VSTM2L: variants seen among roughly 807,000 people sequenced by gnomAD.
VSTM2L encodes the protein V-set and transmembrane domain containing 2 like.
Under a neutral mutation model 19.9 loss-of-function variants are expected in VSTM2L, and 9 were observed. That is an observed-to-expected ratio of 0.45 (90% CI 0.27 to 0.79). VSTM2L has a LOEUF of 0.79. VSTM2L is among the 30% of genes least tolerant of loss of function. The pLI is 0.15. For missense variants in VSTM2L, 286 were observed against 295.5 expected (o/e 0.97, Z 0.24); for synonymous variants, 127 against 133.8 (o/e 0.95, Z 0.35).
At chr20:37,920,596 T>G (rs937806845) in intron 1 of VSTM2L, among the ~76,000 whole-genome samples, 3 of 152,238 alleles carry the variant, frequency 2.0e-5, no homozygotes, top group Admixed American at 6.5e-5. Flanking sequence ...CAGGCTGGCC[T>G]TGGGCAGCCA....
intron 2 of VSTM2L, among the ~76,000 whole-genome samples, chr20:37,933,115 T>C (rs1246906463): frequency 6.6e-6 from 1 of 152,154 alleles, no homozygotes; most frequent in Non-Finnish European, 1.5e-5. Flanking sequence ...GTGGGCAGGG[T>C]TCCCACAGCG....
intron 3 of VSTM2L, among the ~76,000 whole-genome samples, chr20:37,937,498 T>C (rs188952808): frequency 1.1e-3 from 174 of 152,314 alleles, no homozygotes; most frequent in African/African-American, 4.1e-3. Flanking sequence ...CTAAAGTCAT[T>C]TGTGCTAAAA....
chr20:37,921,423 G>A (rs1409808770), intron 1 of VSTM2L, among the ~76,000 whole-genome samples: 1 of 152,178 alleles, frequency 6.6e-6, no homozygotes, highest in Non-Finnish European at 1.5e-5. Context: ...AAGGCCCCAG[G>A]CAGCCCGGAG....
intron 3 of VSTM2L, among the ~76,000 whole-genome samples, chr20:37,933,979 C>A (rs1237061795): frequency 1.3e-5 from 2 of 152,238 alleles, no homozygotes; most frequent in Admixed American, 6.5e-5. Flanking sequence ...GGTGATCTGG[C>A]CCCGGGGACG....
chr20:37,942,259 A>C (rs1472343950), intron 3 of VSTM2L, among the ~76,000 whole-genome samples: 3 of 152,220 alleles, frequency 2.0e-5, no homozygotes, highest in African/African-American at 7.2e-5. Flanking sequence ...AGGTGGGTTG[A>C]TCACTTGAGG....
At position 37,905,837 on chromosome 20, in the gene VSTM2L, TAGTG is replaced by T. The variant is rs146415266; in HGVS notation, c.121+2369_121+2372del. On this transcript the variant is annotated intron_variant, in intron 1 of 3. Coordinates refer to ENST00000373461, the MANE Select transcript of VSTM2L (RefSeq NM_080607.3). Reference sequence around the variant, plus strand: ...CACAAAAAGAAACTGTTATTAATGATAGTGAGACGCGGCGAATAAGTGGGTCATG... The same window carrying T: ...CACAAAAAGAAACTGTTATTAATGATAGACGCGGCGAATAAGTGGGTCATG... Among the ~76,000 whole-genome samples the T allele has an allele frequency of 5.2e-4, 79 of 152,272 alleles. 1 individual carries two copies. The East Asian group carries it at 0.013, about 25-fold the overall frequency.
chr20:37,944,913 A>T lies in VSTM2L; in HGVS notation c.*660A>T. 1 of 985,830 alleles carries T rather than the reference A, an allele frequency of 1.0e-6. No homozygotes were observed. The highest frequency in any genetic ancestry group is 1.2e-6 in the Non-Finnish European group (1 of 829,966). The allele number at this position is 985,830 out of a possible 1,614,324, so 61.1% of individuals were successfully genotyped here. ...GGGATCCAGGATTCTCTGCCCTGTC[A>T]CACGGCGAGTCAGAAGGGAGGGGCC... On this transcript the variant is annotated 3_prime_UTR_variant, in exon 4 of 4. Transcript: ENST00000373461.
chr20:37,937,004 C>T (rs1021894061), intron 3 of VSTM2L, among the ~76,000 whole-genome samples: 3 of 151,934 alleles, frequency 2.0e-5, no homozygotes, highest in South Asian at 2.1e-4. Context: ...GCGGATCATC[C>T]GAGGTCAGGA....
intron 1 of VSTM2L, among the ~76,000 whole-genome samples, chr20:37,912,851 T>C (rs997512576): frequency 6.6e-6 from 1 of 152,100 alleles, no homozygotes; most frequent in Non-Finnish European, 1.5e-5. Context: ...GGTCTCTCTC[T>C]TTCTCTCTCC....
Position 37,944,767 on chromosome 20 carries a change from C to G in VSTM2L, c.*514C>G, listed in dbSNP as rs2072998704. 1.0e-6 allele frequency: 1 copy of G among 986,382 alleles called. No homozygotes were observed. The highest frequency in any genetic ancestry group is 1.2e-6 in the Non-Finnish European group (1 of 830,542). The allele number at this position is 986,382 out of a possible 1,614,324, so 61.1% of individuals were successfully genotyped here. On this transcript the variant is annotated 3_prime_UTR_variant, in exon 4 of 4. Coordinates refer to ENST00000373461, the MANE Select transcript of VSTM2L (RefSeq NM_080607.3). The stretch of plus-strand genomic sequence containing the variant: ...GAAGACCCAGGGAACCCAGGAGGGC[C>G]CTTCTGGGGCAGTGGCTCTGCAGGG...
At chr20:37,904,473 G>T (rs1185452656) in intron 1 of VSTM2L, among the ~76,000 whole-genome samples, 1 of 152,272 alleles carries the variant, frequency 6.6e-6, no homozygotes, top group Non-Finnish European at 1.5e-5. Flanking sequence ...GCCCAAGTTG[G>T]CAGCAGAGTT....
At chr20:37,916,693 G>A (rs754079085) in intron 1 of VSTM2L, among the ~76,000 whole-genome samples, 9 of 152,342 alleles carry the variant, frequency 5.9e-5, no homozygotes, top group Non-Finnish European at 7.3e-5. Flanking sequence ...TTCCCAGGTT[G>A]TTTTGGGGAT....
rs1028401304 is a variant in VSTM2L, at chr20:37,933,536, C to A, written c.292-3C>A. On this transcript the variant is annotated splice_polypyrimidine_tract_variant and splice_region_variant and intron_variant, in intron 2 of 3. Coordinates refer to ENST00000373461, the MANE Select transcript of VSTM2L (RefSeq NM_080607.3). ...TCTCTCCGCCCCTCCCCGATCCCAA[C>A]AGCTAAAAGCATCTCAGCAGGAAGA... 6.2e-7 allele frequency: 1 copy of A among 1,611,326 alleles called. No homozygotes were observed. Among genetic ancestry groups the A allele is most frequent in the Non-Finnish European group, 8.5e-7 (1 of 1,178,886 alleles).
intron 3 of VSTM2L, among the ~76,000 whole-genome samples, chr20:37,935,996 T>C (rs2072937701): frequency 6.6e-6 from 1 of 151,754 alleles, no homozygotes; most frequent in Non-Finnish European, 1.5e-5. Flanking sequence ...GAAATTCTCC[T>C]GCTTCAGCTT....
At chr20:37,914,376 G>T (rs2072800677) in intron 1 of VSTM2L, among the ~76,000 whole-genome samples, 1 of 149,852 alleles carries the variant, frequency 6.7e-6, no homozygotes, top group Non-Finnish European at 1.5e-5. Flanking sequence ...ATATGTGTGT[G>T]GGTGTATGTG....
chr20:37,944,521 ACCATGCTGGGGCCCGGGG>A lies in VSTM2L; in HGVS notation c.*272_*289del. 1 of 1,210,462 alleles carries A rather than the reference ACCATGCTGGGGCCCGGGG, an allele frequency of 8.3e-7. No homozygotes were observed. Among genetic ancestry groups the A allele is most frequent in the Non-Finnish European group, 1.0e-6 (1 of 976,026 alleles). 75.0% of individuals were successfully genotyped at this position (1,210,462 alleles called of 1,614,324 possible). A position where few individuals can be genotyped will look rare whatever the true frequency, so the allele number is the denominator to read the frequency against. ...AACCGCCCTGAACACTGGGGCAGGG[ACCATGCTGGGGCCCGGGG>A]CCACCCCCTTCCTGTCACCAGCTTC... On this transcript the variant is annotated 3_prime_UTR_variant, in exon 4 of 4. Transcript: ENST00000373461.
intron 1 of VSTM2L, among the ~76,000 whole-genome samples, chr20:37,929,820 C>T (rs964929622): frequency 1.3e-5 from 2 of 151,928 alleles, no homozygotes; most frequent in African/African-American, 4.8e-5. Flanking sequence ...GGAGGGAGCC[C>T]AGGGTGACTA....
Position 37,906,274 on chromosome 20 carries a change from G to T in VSTM2L, c.121+2803G>T, listed in dbSNP as rs538638854. On this transcript the variant is annotated intron_variant, in intron 1 of 3. Transcript: ENST00000373461. Reference sequence around the variant, plus strand: ...CATCTCCCTCCCACCTCCACTCAAGGTACTTGGAAGAGGGCTTTTTCGAGG... The same window carrying T: ...CATCTCCCTCCCACCTCCACTCAAGTTACTTGGAAGAGGGCTTTTTCGAGG... Among the ~76,000 whole-genome samples the T allele has an allele frequency of 5.3e-5, 8 of 152,292 alleles. No homozygotes were observed. The South Asian group carries it at 1.2e-3, about 24-fold the overall frequency.
At chr20:37,908,974 C>T (rs1344158768) in intron 1 of VSTM2L, among the ~76,000 whole-genome samples, 11 of 152,062 alleles carry the variant, frequency 7.2e-5, no homozygotes, top group Admixed American at 3.9e-4. Flanking sequence ...AAATGAGACT[C>T]GGGGAGGTTA....
Sources: gnomAD v4.1 joint callset for allele counts (sites outside exome capture counted in the v4.1 genomes callset) on GRCh38, gnomAD v4.1.1 for gene constraint, MANE v1.5 for transcripts, NCBI Gene and HGNC (gene_info 2026-07-23, HGNC 2026-07-21) for gene names.